The following KCNQ3 variants were observed in gnomAD, a reference collection of about 807,000 sequenced individuals.
The protein encoded by KCNQ3 is potassium voltage-gated channel subfamily KQT member 3.
Under a neutral mutation model 92.5 loss-of-function variants are expected in KCNQ3, and 30 were observed. The observed-to-expected ratio is 0.32, with a 90% CI of 0.24 to 0.44. The LOEUF is 0.44. KCNQ3 is among the 20% of genes least tolerant of loss of function. KCNQ3 has a pLI of 1.00. For synonymous variants in KCNQ3, 450 were observed against 468.8 expected (o/e 0.96, Z 0.52); for missense variants, 913 against 1,140.3 (o/e 0.80, Z 2.87).
intron 7 of KCNQ3, among the ~76,000 whole-genome samples, chr8:132,171,833 C>G (rs1826366753): frequency 6.6e-6 from 1 of 152,018 alleles, no homozygotes; most frequent in Non-Finnish European, 1.5e-5. Flanking sequence ...CAGGTCCAAG[C>G]CAAATTCTCA....
At chr8:132,132,324 T>C in intron 13 of KCNQ3, 60 bp from the exon 14 acceptor site, 2 of 1,403,508 alleles carry the variant, frequency 1.4e-6, no homozygotes, top group Non-Finnish European at 2.0e-6. Flanking sequence ...TGCAAGGTAA[T>C]TTCGGCTAGG....
In KCNQ3 at chr8:132,368,434, CT is replaced by C. The variant is rs58047259; in HGVS notation, c.386+111712del. On this transcript the variant is annotated intron_variant, in intron 1 of 14. Transcript: ENST00000388996. Reference sequence around the variant, plus strand: ...TGAGGAAGCTAAGGCAGGAGGATCACTTGAGTCCAGGAGTTTGAGACCAGCC... The same window carrying C: ...TGAGGAAGCTAAGGCAGGAGGATCACTGAGTCCAGGAGTTTGAGACCAGCC... Among the ~76,000 whole-genome samples the C allele has an allele frequency of 2.5e-4, 38 of 152,274 alleles. No individual in the cohort carries two copies. In the East Asian group the frequency reaches 5.6e-3, roughly 22 times the overall value.
intron 1 of KCNQ3, among the ~76,000 whole-genome samples, chr8:132,388,174 G>A (rs1452342895): frequency 6.6e-6 from 1 of 151,996 alleles, no homozygotes; most frequent in Non-Finnish European, 1.5e-5. Context: ...CATCAAATGA[G>A]CCCAGATTTT....
At chr8:132,240,589 C>T (rs1309622563) in intron 1 of KCNQ3, among the ~76,000 whole-genome samples, 3 of 152,234 alleles carry the variant, frequency 2.0e-5, no homozygotes, top group Non-Finnish European at 4.4e-5. Context: ...TGGAAGGCAA[C>T]CAACACCTAT....
intron 1 of KCNQ3, among the ~76,000 whole-genome samples, chr8:132,322,661 G>T (rs1817926691): frequency 6.6e-6 from 1 of 152,206 alleles, no homozygotes; most frequent in South Asian, 2.1e-4. Flanking sequence ...CTTTCAGACA[G>T]GCGAAACTGG....
chr8:132,238,270 A>C (rs1814879870), intron 1 of KCNQ3, among the ~76,000 whole-genome samples: 1 of 152,132 alleles, frequency 6.6e-6, no homozygotes. Flanking sequence ...AGCAAGACAA[A>C]GAGACAAAGA....
intron 1 of KCNQ3, among the ~76,000 whole-genome samples, chr8:132,370,655 G>C (rs1035138965): frequency 6.6e-6 from 1 of 152,200 alleles, no homozygotes; most frequent in Non-Finnish European, 1.5e-5. Flanking sequence ...TGGTGTAGGT[G>C]GGAATCACGC....
chr8:132,231,371 G>A (rs1177344308), intron 1 of KCNQ3, among the ~76,000 whole-genome samples: 1 of 152,130 alleles, frequency 6.6e-6, no homozygotes, highest in Non-Finnish European at 1.5e-5. Context: ...GATTTGTGAT[G>A]TTTTCTCTGT....
intron 1 of KCNQ3, among the ~76,000 whole-genome samples, chr8:132,308,749 T>C (rs994194883): frequency 1.3e-5 from 2 of 152,164 alleles, no homozygotes; most frequent in Non-Finnish European, 2.9e-5. Flanking sequence ...AATAACCCCA[T>C]GACAGAAGAA....
At chr8:132,267,180 T>TA (rs1043871554) in intron 1 of KCNQ3, among the ~76,000 whole-genome samples, 1 of 151,872 alleles carries the variant, frequency 6.6e-6, no homozygotes, top group African/African-American at 2.4e-5. Flanking sequence ...CCACTAAACA[T>TA]AAAAAAAGTG....
intron 1 of KCNQ3, among the ~76,000 whole-genome samples, chr8:132,257,744 T>TAAA (rs1815638208): frequency 6.6e-5 from 2 of 30,458 alleles, no homozygotes; most frequent in Admixed American, 4.9e-4. Flanking sequence ...AGACTCCAGC[T>TAAA]CAAAAAAAAA....
intron 1 of KCNQ3, among the ~76,000 whole-genome samples, chr8:132,424,415 C>G (rs2130815318): frequency 6.6e-6 from 1 of 152,286 alleles, no homozygotes; most frequent in Admixed American, 6.5e-5. Flanking sequence ...CCCATCCCCC[C>G]AACCCTCTCA....
In KCNQ3 at chr8:132,314,764, C is replaced by G. The variant is rs1586919971; in HGVS notation, c.387-128583G>C. Reference sequence around the variant, plus strand: ...TAATTAGCAAAAGTAGGCGTTTTCTCTAATCCAAATACCAAAAAACACTAA... The same window carrying G: ...TAATTAGCAAAAGTAGGCGTTTTCTGTAATCCAAATACCAAAAAACACTAA... On this transcript the variant is annotated intron_variant, in intron 1 of 14. Transcript: ENST00000388996. 2.0e-5 allele frequency among the ~76,000 whole-genome samples: 3 copies of G among 152,294 alleles called. No homozygotes were observed. The South Asian group carries it at 6.2e-4, about 32-fold the overall frequency.
chr8:132,314,574 C>T (rs545226511), intron 1 of KCNQ3, among the ~76,000 whole-genome samples: 3 of 152,076 alleles, frequency 2.0e-5, no homozygotes, highest in Non-Finnish European at 4.4e-5. Context: ...ATAACAAAAA[C>T]AATAAGGTCA....
At chr8:132,160,356 C>A (rs1372947974) in intron 9 of KCNQ3, among the ~76,000 whole-genome samples, 1 of 151,922 alleles carries the variant, frequency 6.6e-6, no homozygotes, top group South Asian at 2.1e-4. Flanking sequence ...CAGTGTTTGA[C>A]TTAGTTGTAA....
rs192171821 is a variant in KCNQ3 at position 132,254,632 on chromosome 8, G to A, written c.387-68451C>T. ...TATGGTGGCTCATGCCTGTAATCTCGGTACGTTGAGAGGCCAAGGCAGGAT... is the reference window on the plus strand; with the variant it reads ...TATGGTGGCTCATGCCTGTAATCTCAGTACGTTGAGAGGCCAAGGCAGGAT... On this transcript the variant is annotated intron_variant, in intron 1 of 14. Transcript: ENST00000388996. Among the ~76,000 whole-genome samples, 534 of 152,190 alleles carry A rather than the reference G, an allele frequency of 3.5e-3. 6 individuals are homozygous for A. Among genetic ancestry groups the A allele is most frequent in the African/African-American group, 0.012 (504 of 41,528 alleles).
chr8:132,253,305 C>T (rs780210888), intron 1 of KCNQ3, among the ~76,000 whole-genome samples: 1 of 152,150 alleles, frequency 6.6e-6, no homozygotes, highest in Non-Finnish European at 1.5e-5. Flanking sequence ...CAACTGTAGA[C>T]AGGTCACACT....
intron 1 of KCNQ3, among the ~76,000 whole-genome samples, chr8:132,419,710 T>C (rs1316656790): frequency 6.6e-6 from 1 of 152,172 alleles, no homozygotes; most frequent in Non-Finnish European, 1.5e-5. Flanking sequence ...AAACAAATCT[T>C]TGATGGTCAA....
intron 4 of KCNQ3, among the ~76,000 whole-genome samples, chr8:132,177,996 C>T (rs897608104): frequency 2.0e-5 from 3 of 152,240 alleles, no homozygotes; most frequent in South Asian, 2.1e-4. Flanking sequence ...GCCTCACTGG[C>T]GTCTGGCTGT....
Sources: allele counts gnomAD v4.1 joint callset (sites outside exome capture counted in the v4.1 genomes callset), GRCh38; gene constraint gnomAD v4.1.1; transcripts MANE v1.5; gene names NCBI Gene and HGNC (gene_info 2026-07-23, HGNC 2026-07-21).